The following ARL6 variants were observed in gnomAD, a reference collection of about 807,000 sequenced individuals.
The protein encoded by ARL6 is ADP-ribosylation factor-like protein 6.
Under a neutral mutation model 27.1 loss-of-function variants are expected in ARL6, and 18 were observed. The observed-to-expected ratio is 0.66, with a 90% confidence interval of 0.46 to 0.98. The LOEUF is 0.98. Ranked by LOEUF, ARL6 falls within the 50% of genes least tolerant of loss-of-function variation. The pLI is 0.00. For synonymous variants in ARL6, 65 were observed against 72.3 expected, an observed-to-expected ratio of 0.90 and a Z score of 0.51; for missense variants, 187 against 214.9, an observed-to-expected ratio of 0.87 and a Z score of 0.81.
chr3:97,799,693 A>T lies in ARL6; in HGVS notation c.*1644A>T, dbSNP rs931451349. 6.6e-6 allele frequency: 1 copy of T among 152,258 alleles called. No individual in the cohort carries two copies. The highest frequency in any genetic ancestry group is 6.5e-5 in the Admixed American group (1 of 15,284). 9.4% of individuals were successfully genotyped at this position (152,258 alleles called of 1,614,324 possible). On this transcript the variant is annotated 3_prime_UTR_variant, in exon 8 of 8. Transcript: ENST00000463745. ...GTATTACACATACAGAATTTTCAAC[A>T]TTTAATCCTCCCAATAAGCCTATGT...
intron 4 of ARL6, among the ~76,000 whole-genome samples, chr3:97,782,987 CT>C (rs566587302): frequency 2.2e-4 from 32 of 144,600 alleles, no homozygotes; most frequent in South Asian, 2.2e-3. Context: ...TTTTTCTTTT[CT>C]TTTTTTTTTC....
At chr3:97,772,652 G>A (rs1318530267) in intron 2 of ARL6, among the ~76,000 whole-genome samples, 1 of 75,886 alleles carries the variant, frequency 1.3e-5, no homozygotes, top group African/African-American at 5.4e-5. Context: ...ATGGATTTTT[G>A]CACTTGTCGC....
intron 1 of ARL6, chr3:97,765,976 G>C (rs1291776327): frequency 6.6e-6 from 1 of 152,158 alleles, no homozygotes; most frequent in African/African-American, 2.4e-5. Context: ...CAATAAATGT[G>C]ATTACCTCTT....
rs2108125543 is a variant in ARL6, at chr3:97,800,342, CA to C, written c.*2295del. ...TTGCATTTGTATTTAGCATATTATA[CA>C]ATTAAAATGTATTTTATTAAACCTG... On this transcript the variant is annotated 3_prime_UTR_variant, in exon 8 of 8. Coordinates refer to ENST00000463745, the MANE Select transcript of ARL6 (RefSeq NM_001278293.3). The C allele has an allele frequency of 6.6e-6, 1 of 152,246 alleles. No individual in the cohort carries two copies. Among genetic ancestry groups the C allele is most frequent in the Non-Finnish European group, 1.5e-5 (1 of 68,010 alleles). The allele number at this position is 152,246 out of a possible 1,614,324, so 9.4% of individuals were successfully genotyped here.
rs2108031659 is a variant in ARL6 at position 97,780,159 on chromosome 3, G to A, written c.124G>A (p.Ala42Thr). The A allele has an allele frequency of 3.1e-6, 5 of 1,611,546 alleles. No homozygotes were observed. The highest frequency in any genetic ancestry group is 4.2e-6 in the Non-Finnish European group (5 of 1,177,970). Residue 42 changes from alanine (A) to threonine (T), a missense_variant and splice_region_variant, in exon 3 of 8, where the codon GCT (alanine) becomes ACT (threonine). By Grantham distance (58) the Ala-to-Thr change is moderately conservative (BLOSUM62 0). Transcript: ENST00000463745. ...CTGAACTTTGTCTTTTCTCTTAAAG[G>A]CTCAATCTCAAAATATCCTTCCAAC... The part of the protein sequence containing the change: ...TIINKLKPSN[A>T]QSQNILPTIG...
intron 6 of ARL6, among the ~76,000 whole-genome samples, chr3:97,790,787 G>C (rs2108079861): frequency 6.6e-6 from 1 of 151,628 alleles, no homozygotes; most frequent in African/African-American, 2.4e-5. Context: ...GTAATTTCTG[G>C]GAGATAATTT....
chr3:97,769,581 G>A (rs1325623069), intron 2 of ARL6, among the ~76,000 whole-genome samples: 3 of 151,988 alleles, frequency 2.0e-5, no homozygotes, highest in Non-Finnish European at 4.4e-5. Flanking sequence ...GAAATATCCA[G>A]TAAATTATTG....
intron 1 of ARL6, among the ~76,000 whole-genome samples, chr3:97,766,264 G>A (rs2036377551): frequency 6.6e-6 from 1 of 152,208 alleles, no homozygotes; most frequent in African/African-American, 2.4e-5. Context: ...AGTAAATAAA[G>A]TGAGTAATAG....
Position 97,793,861 on chromosome 3 carries a change from GA to G in ARL6, c.535+2047del, listed in dbSNP as rs200263198. Among the ~76,000 whole-genome samples the G allele has an allele frequency of 4.1e-3, 581 of 141,238 alleles. 16 individuals carry two copies. The East Asian group carries it at 0.092, about 22-fold the overall frequency. The allele number at this position is 141,238 out of a possible 152,430, so 92.7% of individuals were successfully genotyped here. ...ATATAGAAAGCATTGACTGATAGTT[GA>G]AAAAAAAAAAACTTAGGCTTCTGAG... On this transcript the variant is annotated intron_variant, in intron 7 of 7. Transcript: ENST00000463745.
chr3:97,772,600 G>T (rs1377687600), intron 2 of ARL6, among the ~76,000 whole-genome samples: 3 of 145,844 alleles, frequency 2.1e-5, no homozygotes, highest in Non-Finnish European at 4.5e-5. Context: ...GCATCATTGG[G>T]TTATTTGAAG....
chr3:97,791,694 G>A (rs1406970350), intron 6 of ARL6, 77 bp from the exon 7 acceptor site: 3 of 1,366,010 alleles, frequency 2.2e-6, no homozygotes, highest in East Asian at 4.6e-5. Context: ...TTCTCCATAT[G>A]GCAAAATTGT....
chr3:97,783,259 T>C (rs1390508819), intron 4 of ARL6, among the ~76,000 whole-genome samples: 7 of 151,772 alleles, frequency 4.6e-5, no homozygotes, highest in Admixed American at 3.9e-4. Context: ...ATATAACATA[T>C]ACTTTATATA....
chr3:97,780,113 A>G lies in ARL6; in HGVS notation c.124-46A>G, dbSNP rs527534023. On this transcript the variant is annotated intron_variant, in intron 2 of 7. Transcript: ENST00000463745. ...GGATACTTTAACTTGAGGAAAACTC[A>G]TCTCTGGTAATTGTAAATTTCTGAA... 2.7e-5 allele frequency: 40 copies of G among 1,489,440 alleles called. No homozygotes were observed. The East Asian group carries it at 8.6e-4, about 32-fold the overall frequency. The allele number at this position is 1,489,440 out of a possible 1,614,324, so 92.3% of individuals were successfully genotyped here. A position where few individuals can be genotyped will look rare whatever the true frequency, so the allele number is the denominator to read the frequency against.
intron 5 of ARL6, among the ~76,000 whole-genome samples, chr3:97,786,054 C>T (rs1327620188): frequency 6.6e-6 from 1 of 152,080 alleles, no homozygotes; most frequent in Non-Finnish European, 1.5e-5. Context: ...ATGTTAAAAA[C>T]TTAGCAGTCT....
intron 5 of ARL6, among the ~76,000 whole-genome samples, chr3:97,785,914 T>C (rs569500098): frequency 2.6e-5 from 4 of 152,286 alleles, no homozygotes; most frequent in African/African-American, 9.6e-5. Flanking sequence ...GAAATAGAAA[T>C]AGTGTGGGGC....
rs1207726716 is a variant in ARL6 at position 97,801,183 on chromosome 3, T to A, written c.*3134T>A. ...AAAATAAATGACTGGTATTACAAGG[T>A]CACCTAAATAAATAGGTTTGTGTAC... On this transcript the variant is annotated 3_prime_UTR_variant, in exon 8 of 8. Coordinates refer to ENST00000463745, the MANE Select transcript of ARL6 (RefSeq NM_001278293.3). 6.6e-6 allele frequency: 1 copy of A among 152,220 alleles called. No homozygotes were observed. The highest frequency in any genetic ancestry group is 1.5e-5 in the Non-Finnish European group (1 of 68,040). The allele number at this position is 152,220 out of a possible 1,614,324, so 9.4% of individuals were successfully genotyped here.
chr3:97,780,201 G>C lies in ARL6; in HGVS notation c.166G>C (p.Glu56Gln), dbSNP rs2108031980. 6.2e-7 allele frequency: 1 copy of C among 1,612,796 alleles called. No homozygotes were observed. The highest frequency in any genetic ancestry group is 1.1e-5 in the South Asian group (1 of 90,906). Reference sequence around the variant, plus strand: ...CCTTCCAACAATAGGATTCAGCATAGAGAAATTCAAATCATCCAGGTAATC... The same window carrying C: ...CCTTCCAACAATAGGATTCAGCATACAGAAATTCAAATCATCCAGGTAATC... ...NILPTIGFSI[E>Q]KFKSSSLSFT... Residue 56 changes from glutamate to glutamine, a missense_variant, in exon 3 of 8, where the codon GAG becomes CAG. By Grantham distance (29) the Glu-to-Gln change is conservative. Coordinates refer to ENST00000463745, the MANE Select transcript of ARL6 (RefSeq NM_001278293.3).
chr3:97,798,927 C>T lies in ARL6; in HGVS notation c.*878C>T, dbSNP rs1449181614. On this transcript the variant is annotated 3_prime_UTR_variant, in exon 8 of 8. Transcript: ENST00000463745. ...TCACTTTTAAATGCCTCCAATTTAC[C>T]ATAGCACTTTGTTAAAATAAATTGT... 6.6e-6 allele frequency: 1 copy of T among 151,972 alleles called. No homozygotes were observed. The highest frequency in any genetic ancestry group is 1.9e-4 in the East Asian group (1 of 5,200). The allele number at this position is 151,972 out of a possible 1,614,324, so 9.4% of individuals were successfully genotyped here.
chr3:97,764,625 C>G (rs907709184), upstream of ARL6: 1 of 152,304 alleles, frequency 6.6e-6, no homozygotes, highest in Non-Finnish European at 1.5e-5. Flanking sequence ...AGTTCCTCGG[C>G]GCGCCTCTGA....
Sources: allele counts gnomAD v4.1 joint callset (sites outside exome capture counted in the v4.1 genomes callset), GRCh38; gene constraint gnomAD v4.1.1; transcripts MANE v1.5; gene names NCBI Gene and HGNC (gene_info 2026-07-23, HGNC 2026-07-21).